FAT4: variants seen among roughly 807,000 people sequenced by gnomAD.
The protein encoded by FAT4 is protocadherin Fat 4.
Under a neutral mutation model 303.9 loss-of-function variants are expected in FAT4, and 84 were observed. That is an observed-to-expected ratio of 0.28 (90% CI 0.23 to 0.33). The LOEUF (loss-of-function observed/expected upper bound fraction) is 0.33. Ranked by LOEUF, FAT4 falls within the 10% of genes least tolerant of loss-of-function variation. FAT4 has a pLI of 1.00. For synonymous variants in FAT4, 2,307 were observed against 2,298.8 expected (o/e 1.00, Z -0.10); for missense variants, 6,005 against 6,146.8 (o/e 0.98, Z 0.77).
intron 2 of FAT4, among the ~76,000 whole-genome samples, chr4:125,388,574 A>G (rs1214124863): frequency 1.3e-5 from 2 of 152,190 alleles, no homozygotes; most frequent in Admixed American, 1.3e-4. Flanking sequence ...TAAGTTTCTT[A>G]TGCAACCACA....
At chr4:125,489,719 T>C (rs1727537535) in intron 17 of FAT4, among the ~76,000 whole-genome samples, 182 bp from the exon 18 acceptor site, 1 of 152,088 alleles carries the variant, frequency 6.6e-6, no homozygotes, top group African/African-American at 2.4e-5. Flanking sequence ...TGCTAAGTTA[T>C]AAGATGCACA....
chr4:125,410,625 G>A (rs2126023116), intron 5 of FAT4, among the ~76,000 whole-genome samples: 1 of 152,188 alleles, frequency 6.6e-6, no homozygotes, highest in Admixed American at 6.5e-5. Flanking sequence ...GTATTAGAGA[G>A]AGCCCATTGT....
chr4:125,455,880 T>C (rs1726261148), intron 10 of FAT4, among the ~76,000 whole-genome samples: 2 of 152,216 alleles, frequency 1.3e-5, no homozygotes, highest in African/African-American at 2.4e-5. Context: ...AAGTATTTGC[T>C]ACAAGGAAAC....
intron 8 of FAT4, among the ~76,000 whole-genome samples, chr4:125,444,771 G>A (rs1725768883): frequency 6.6e-6 from 1 of 151,930 alleles, no homozygotes. Context: ...AAAGTTTATG[G>A]CAGCATGGCT....
chr4:125,479,701 C>T (rs777275589), intron 14 of FAT4, 40 bp from the exon 15 acceptor site: 2 of 1,473,858 alleles, frequency 1.4e-6, no homozygotes, highest in South Asian at 2.9e-5. Context: ...TTCTCCTCAT[C>T]TTTTATGTGC....
intron 2 of FAT4, among the ~76,000 whole-genome samples, chr4:125,348,846 G>C (rs1732106027): frequency 6.6e-6 from 1 of 151,706 alleles, no homozygotes; most frequent in South Asian, 2.1e-4. Flanking sequence ...TCACATCTTA[G>C]AGAAAACTGC....
In FAT4 at chr4:125,491,566, A is replaced by G. The variant is rs1227890086; in HGVS notation, c.14750A>G (p.Asn4917Ser). 1 of 1,614,220 alleles carries G rather than the reference A, an allele frequency of 6.2e-7. No individual in the cohort carries two copies. The change falls in exon 18 of 18, where the codon AAC becomes AGC. Residue 4917 changes from asparagine to serine, a missense_variant. By Grantham distance (46) the Asn-to-Ser change is conservative (BLOSUM62 1). Coordinates refer to ENST00000394329, the MANE Select transcript of FAT4 (RefSeq NM_001291303.3). ...TQAAAPGTAD[N>S]TLPMKLGQQA... The stretch of plus-strand genomic sequence containing the variant: ...GCAGCAGCACCAGGCACTGCTGACA[A>G]CACACTGCCCATGAAGCTAGGGCAG...
At position 125,320,106 on chromosome 4, in the gene FAT4, T is replaced by A. The variant is rs1730868100; in HGVS notation, c.3695T>A (p.Val1232Glu). 6.2e-7 allele frequency: 1 copy of A among 1,613,892 alleles called. No individual in the cohort carries two copies. Among genetic ancestry groups the A allele is most frequent in the Non-Finnish European group, 8.5e-7 (1 of 1,179,948 alleles). The change falls in exon 2 of 18, where the codon GTA becomes GAA. Residue 1232 changes from valine to glutamate, a missense_variant. Val to Glu is a moderately radical substitution (Grantham distance 121, BLOSUM62 -2). Coordinates refer to ENST00000394329, the MANE Select transcript of FAT4 (RefSeq NM_001291303.3). ...SAANLTQVLR[V>E]SASDVDEGNN... ...GCCAATCTGACACAAGTGTTAAGAG[T>A]ATCTGCCTCAGATGTTGATGAAGGT...
chr4:125,403,464 C>T (rs1176469408), intron 3 of FAT4, among the ~76,000 whole-genome samples: 1 of 151,928 alleles, frequency 6.6e-6, no homozygotes, highest in African/African-American at 2.4e-5. Flanking sequence ...TTCTTTTTTC[C>T]CATTCCTTCA....
At chr4:125,337,519 A>T (rs1023123028) in intron 2 of FAT4, among the ~76,000 whole-genome samples, 1 of 152,102 alleles carries the variant, frequency 6.6e-6, no homozygotes, top group Non-Finnish European at 1.5e-5. Flanking sequence ...TTTGCTTTTA[A>T]TAATGACCCT....
intron 2 of FAT4, among the ~76,000 whole-genome samples, chr4:125,345,906 C>G (rs1429065376): frequency 6.6e-6 from 1 of 152,024 alleles, no homozygotes; most frequent in East Asian, 1.9e-4. Flanking sequence ...TGTATGAGAT[C>G]AATCTTTTGG....
intron 11 of FAT4, among the ~76,000 whole-genome samples, chr4:125,467,916 A>G (rs11943078): frequency 0.38 from 58,338 of 152,058 alleles, 11,203 homozygotes; most frequent in Middle Eastern, 0.46. Context: ...TGTAATCCCA[A>G]CACTTTGGGA....
At chr4:125,326,418 G>T (rs1486852963) in intron 2 of FAT4, among the ~76,000 whole-genome samples, 1 of 151,898 alleles carries the variant, frequency 6.6e-6, no homozygotes, top group African/African-American at 2.4e-5. Flanking sequence ...ATTGAATATT[G>T]CTATGTTTAG....
intron 16 of FAT4, among the ~76,000 whole-genome samples, chr4:125,484,872 C>T (rs1197879385): frequency 2.0e-5 from 3 of 151,746 alleles, no homozygotes; most frequent in African/African-American, 4.8e-5. Context: ...ACAGCCTGGG[C>T]AACAGGGTCT....
In FAT4 at chr4:125,450,601, C is replaced by A; in HGVS notation, c.9591C>A (p.Leu3197=). The A allele has an allele frequency of 1.9e-6, 3 of 1,614,112 alleles. No homozygotes were observed. The highest frequency in any genetic ancestry group is 2.5e-6 in the Non-Finnish European group (3 of 1,180,000). Residue 3197 remains leucine (L), a synonymous_variant, in exon 10 of 18, where the codon CTC becomes CTA. Transcript: ENST00000394329. ...TGAATGATAATTCTCCAGTATTCCT[C>A]TCTGATGACTATTTCCCTACTGTTT... ...IDVNDNSPVF[L]SDDYFPTVLE... is the part of the protein sequence containing the mutation.
chr4:125,373,184 G>T (rs1007944647), intron 2 of FAT4, among the ~76,000 whole-genome samples: 1 of 152,020 alleles, frequency 6.6e-6, no homozygotes, highest in Non-Finnish European at 1.5e-5. Context: ...AAAAGTTAGA[G>T]GATGATTTGA....
chr4:125,470,521 T>C (rs1480346374), intron 12 of FAT4, among the ~76,000 whole-genome samples: 1 of 152,216 alleles, frequency 6.6e-6, no homozygotes, highest in Non-Finnish European at 1.5e-5. Flanking sequence ...ATCTTCTGGA[T>C]AACTTGCTGC....
Position 125,491,479 on chromosome 4 carries a change from C to A in FAT4, c.14663C>A (p.Ala4888Asp). The A allele has an allele frequency of 6.2e-7, 1 of 1,614,120 alleles. No homozygotes were observed. The highest frequency in any genetic ancestry group is 8.5e-7 in the Non-Finnish European group (1 of 1,180,022). The change falls in exon 18 of 18, where the codon GCC (alanine) becomes GAC (aspartate). Residue 4888 changes from alanine (A) to aspartate (D), a missense_variant. Coordinates refer to ENST00000394329, the MANE Select transcript of FAT4 (RefSeq NM_001291303.3). ...GCAGATGATGAAGATAATTATGGAG[C>A]CAGACTGAAGCCTCGAAGGTACCAC... is the stretch of plus-strand genomic sequence containing the variant. The part of the protein sequence containing the change: ...SDADDEDNYG[A>D]RLKPRRYHGR...
At position 125,492,089 on chromosome 4, in the gene FAT4, A is replaced by G. The variant is rs1041472006; in HGVS notation, c.*321A>G. On this transcript the variant is annotated 3_prime_UTR_variant, in exon 18 of 18. Transcript: ENST00000394329. ...AAAATTGATACCTTTACCATTGCAG[A>G]AAAGAACTTGTGCTTTCCCAGTGGC... 4.6e-5 allele frequency: 12 copies of G among 259,142 alleles called. No homozygotes were observed. Among genetic ancestry groups the G allele is most frequent in the South Asian group, 7.4e-5 (1 of 13,536 alleles). The allele number at this position is 259,142 out of a possible 1,614,324, so 16.1% of individuals were successfully genotyped here. A position where few individuals can be genotyped will look rare whatever the true frequency, so the allele number is the denominator to read the frequency against.
Sources: gnomAD v4.1 joint callset for allele counts (sites outside exome capture counted in the v4.1 genomes callset) on GRCh38, gnomAD v4.1.1 for gene constraint, MANE v1.5 for transcripts, NCBI Gene and HGNC (gene_info 2026-07-23, HGNC 2026-07-21) for gene names.